The following GRM5 variants were observed in gnomAD, a reference collection of about 807,000 sequenced individuals.
GRM5 encodes glutamate metabotropic receptor 5, also known as metabotropic glutamate receptor 5.
GRM5 carries 19 observed loss-of-function variants against 83.1 expected under a neutral mutation model. The observed-to-expected ratio is 0.23, with a 90% CI of 0.16 to 0.34. The LOEUF (loss-of-function observed/expected upper bound fraction) is 0.34. Ranked by LOEUF, GRM5 falls within the 10% of genes least tolerant of loss-of-function variation. The pLI is 1.00. For missense variants in GRM5, 1,160 were observed against 1,588.3 expected, an observed-to-expected ratio of 0.73 and a Z score of 4.58; for synonymous variants, 675 against 633.6, an observed-to-expected ratio of 1.07 and a Z score of -0.98.
At chr11:88,553,057 T>G (rs946475349) in intron 8 of GRM5, among the ~76,000 whole-genome samples, 8 of 152,228 alleles carry the variant, frequency 5.3e-5, no homozygotes, top group African/African-American at 1.9e-4. Flanking sequence ...AGTTTTTCAC[T>G]AAAGTCAATT....
rs184556470 is a variant in GRM5 at position 88,777,444 on chromosome 11, C to T, written c.911+72462G>A. 3.1e-3 allele frequency among the ~76,000 whole-genome samples: 479 copies of T among 152,260 alleles called. 3 individuals carry two copies. The highest frequency in any genetic ancestry group is 0.011 in the African/African-American group (444 of 41,552). ...CTTCTGCAGCCTACTTCTGTCAAATCGTCAAAGTCATTCTATGTCCAGCTT... is the reference window on the plus strand; with the variant it reads ...CTTCTGCAGCCTACTTCTGTCAAATTGTCAAAGTCATTCTATGTCCAGCTT... On this transcript the variant is annotated intron_variant, in intron 3 of 9. Transcript: ENST00000305447.
intron 4 of GRM5, among the ~76,000 whole-genome samples, chr11:88,627,290 C>G (rs1938826910): frequency 6.6e-6 from 1 of 152,170 alleles, no homozygotes; most frequent in African/African-American, 2.4e-5. Context: ...TTTCCATAAA[C>G]CCACCACTCA....
intron 6 of GRM5, among the ~76,000 whole-genome samples, chr11:88,593,578 C>T (rs1043652283): frequency 2.7e-5 from 4 of 150,372 alleles, no homozygotes; most frequent in Admixed American, 6.6e-5. Context: ...CTCTGGAGGC[C>T]GAGACAGGAG....
rs1020266766 is a variant in GRM5, at chr11:89,004,138, G to A, written c.661+43074C>T. 5.3e-5 allele frequency among the ~76,000 whole-genome samples: 8 copies of A among 151,446 alleles called. 1 individual carries two copies. The highest frequency in any genetic ancestry group is 2.0e-4 in the Admixed American group (3 of 15,242). On this transcript the variant is annotated intron_variant, in intron 2 of 9. Transcript: ENST00000305447. ...AATAAATCAAATAGCAGAGGTCTTC[G>A]CAAATTAATAGGTACTAAATGCTAT...
intron 6 of GRM5, among the ~76,000 whole-genome samples, chr11:88,593,505 G>A (rs553826361): frequency 6.6e-6 from 1 of 151,646 alleles, no homozygotes; most frequent in Admixed American, 6.6e-5. Flanking sequence ...GTGAAACCCC[G>A]CCTCTACTAA....
chr11:88,972,225 C>G (rs1939186515), intron 2 of GRM5, among the ~76,000 whole-genome samples: 1 of 152,102 alleles, frequency 6.6e-6, no homozygotes, highest in African/African-American at 2.4e-5. Flanking sequence ...AGATAACCTC[C>G]CTTCCAACCA....
chr11:88,854,839 T>C (rs1237660251), intron 2 of GRM5, among the ~76,000 whole-genome samples: 1 of 151,914 alleles, frequency 6.6e-6, no homozygotes, highest in Non-Finnish European at 1.5e-5. Flanking sequence ...CTAGGAAAAA[T>C]GTTTTATTTG....
Position 89,001,796 on chromosome 11 carries a change from A to G in GRM5, c.661+45416T>C, listed in dbSNP as rs975730294. Among the ~76,000 whole-genome samples the G allele has an allele frequency of 6.8e-4, 103 of 152,184 alleles. 1 individual carries two copies. The highest frequency in any genetic ancestry group is 2.4e-3 in the African/African-American group (100 of 41,464). ...GGGTTTACTATAAAAGGGTCCTAAC[A>G]TCAGCAACCTGGCTTATTAAAAATG... On this transcript the variant is annotated intron_variant, in intron 2 of 9. Transcript: ENST00000305447.
intron 4 of GRM5, among the ~76,000 whole-genome samples, chr11:88,628,349 C>G (rs1178914263): frequency 6.6e-6 from 1 of 152,170 alleles, no homozygotes; most frequent in Non-Finnish European, 1.5e-5. Flanking sequence ...AGTTCAGAAT[C>G]TTGCTTAATG....
At chr11:88,952,224 C>A (rs1369896125) in intron 2 of GRM5, among the ~76,000 whole-genome samples, 1 of 152,198 alleles carries the variant, frequency 6.6e-6, no homozygotes, top group African/African-American at 2.4e-5. Context: ...GATACCCAGT[C>A]TCTGCCACTT....
At chr11:89,018,953 A>G (rs1445562333) in intron 2 of GRM5, among the ~76,000 whole-genome samples, 4 of 152,144 alleles carry the variant, frequency 2.6e-5, no homozygotes, top group Admixed American at 2.0e-4. Context: ...TTGATACATT[A>G]TTATTAACTA....
At chr11:88,988,019 T>C (rs1459085408) in intron 2 of GRM5, among the ~76,000 whole-genome samples, 1 of 151,466 alleles carries the variant, frequency 6.6e-6, no homozygotes, top group African/African-American at 2.4e-5. Flanking sequence ...AGAACGACTT[T>C]GACGAGCTGA....
chr11:88,823,968 C>G (rs1943848026), intron 3 of GRM5, among the ~76,000 whole-genome samples: 1 of 152,108 alleles, frequency 6.6e-6, no homozygotes, highest in Admixed American at 6.6e-5. Context: ...ATTCCATCTT[C>G]CAGAAGTAAC....
In GRM5 at chr11:88,658,907, G is replaced by A. The variant is rs563007502; in HGVS notation, c.912-5504C>T. Among the ~76,000 whole-genome samples, 5 of 152,230 alleles carry A rather than the reference G, an allele frequency of 3.3e-5. No individual in the cohort carries two copies. In the South Asian group the frequency reaches 1.0e-3, roughly 32 times the overall value. Reference sequence around the variant, plus strand: ...TTTCCAACTTTGTCATACAGGTAGTGGGGAACCAGTGATGGCTTTTAAAGT... The same window carrying A: ...TTTCCAACTTTGTCATACAGGTAGTAGGGAACCAGTGATGGCTTTTAAAGT... On this transcript the variant is annotated intron_variant, in intron 3 of 9. Transcript: ENST00000305447.
chr11:88,982,079 G>C (rs1364428851), intron 2 of GRM5, among the ~76,000 whole-genome samples: 1 of 152,056 alleles, frequency 6.6e-6, no homozygotes, highest in Non-Finnish European at 1.5e-5. Context: ...TCCTGCTGTT[G>C]GTATTGGGTA....
At chr11:89,009,072 G>C (rs1301646605) in intron 2 of GRM5, 2 of 744,342 alleles carry the variant, frequency 2.7e-6, no homozygotes, top group African/African-American at 1.7e-5. Flanking sequence ...TCCCTCTTAC[G>C]CATCTCTTCC....
At chr11:88,880,385 C>T (rs1435667467) in intron 2 of GRM5, among the ~76,000 whole-genome samples, 1 of 152,122 alleles carries the variant, frequency 6.6e-6, no homozygotes, top group Non-Finnish European at 1.5e-5. Context: ...GTATATTTCT[C>T]TAACTCATAT....
At chr11:88,885,866 G>A (rs1478581291) in intron 2 of GRM5, among the ~76,000 whole-genome samples, 2 of 152,090 alleles carry the variant, frequency 1.3e-5, no homozygotes, top group African/African-American at 4.8e-5. Flanking sequence ...ACAGGTGAAT[G>A]TTGGCAGGAA....
At chr11:88,574,302 G>A (rs950946365) in intron 7 of GRM5, among the ~76,000 whole-genome samples, 1 of 152,046 alleles carries the variant, frequency 6.6e-6, no homozygotes, top group Admixed American at 6.6e-5. Context: ...CTTTTGCGTT[G>A]CCTTTAGAAG....
Sources: allele counts gnomAD v4.1 joint callset (sites outside exome capture counted in the v4.1 genomes callset), GRCh38; gene constraint gnomAD v4.1.1; transcripts MANE v1.5; gene names NCBI Gene and HGNC (gene_info 2026-07-23, HGNC 2026-07-21).